Variants in CEP250 observed in about 807,000 individuals in gnomAD.
The protein encoded by CEP250 is centrosome-associated protein CEP250.
Under a neutral mutation model 315.7 loss-of-function variants are expected in CEP250, and 242 were observed. The ratio of observed to expected loss-of-function variants is 0.77; its 90% CI spans 0.69 to 0.85. The LOEUF is 0.85. Among genes scored for constraint, CEP250 ranks in the 40% least tolerant of loss-of-function variants. The probability of loss-of-function intolerance (pLI) is 0.00; values close to 1 mark genes in which losing one functional copy is unlikely to be tolerated. For missense variants in CEP250, 2,515 were observed against 2,886.4 expected, an observed-to-expected ratio of 0.87 and a Z score of 2.95; for synonymous variants, 1,088 against 1,175.0, an observed-to-expected ratio of 0.93 and a Z score of 1.51.
In CEP250 at chr20:35,472,850, C is replaced by A; in HGVS notation, c.1209+19C>A. 1 of 1,613,298 alleles carries A rather than the reference C, an allele frequency of 6.2e-7. No homozygotes were observed. Among genetic ancestry groups the A allele is most frequent in the Non-Finnish European group, 8.5e-7 (1 of 1,179,666 alleles). ...TGTGCAGGTAGGAACCCTCAGCATT[C>A]CACCTCAGTCACAGGGGTTTGTGTC... On this transcript the variant is annotated intron_variant, in intron 12 of 34. Coordinates refer to ENST00000397527, the MANE Select transcript of CEP250 (RefSeq NM_007186.6).
intron 34 of CEP250, 40 bp downstream of exon 34, chr20:35,510,094 C>A: frequency 6.3e-7 from 1 of 1,580,012 alleles, no homozygotes; most frequent in Non-Finnish European, 8.7e-7. Context: ...CCCTCCCTTG[C>A]ACTCAGGCCC....
At position 35,493,584 on chromosome 20, in the gene CEP250, C is replaced by G. The variant is rs1035207369; in HGVS notation, c.3033+12C>G. 3.3e-6 allele frequency: 5 copies of G among 1,524,244 alleles called. No homozygotes were observed. Among genetic ancestry groups the G allele is most frequent in the Non-Finnish European group, 3.5e-6 (4 of 1,137,920 alleles). The allele number at this position is 1,524,244 out of a possible 1,614,324, so 94.4% of individuals were successfully genotyped here. On this transcript the variant is annotated intron_variant, in intron 23 of 34. Transcript: ENST00000397527. ...ACCTGCAGAAGCAGGTCCCCTCCTCCTCCCCACCAAGTCCCATGGTCCTTC... is the reference window on the plus strand; with the variant it reads ...ACCTGCAGAAGCAGGTCCCCTCCTCGTCCCCACCAAGTCCCATGGTCCTTC...
chr20:35,481,175 T>C (rs973676827), intron 20 of CEP250: 2 of 152,090 alleles, frequency 1.3e-5, no homozygotes, highest in African/African-American at 4.8e-5. Context: ...CTCAGCACTT[T>C]GGGAGGCTGA....
intron 18 of CEP250, 50 bp from the exon 19 acceptor site, chr20:35,479,596 G>C: frequency 1.2e-6 from 2 of 1,605,656 alleles, no homozygotes; most frequent in Non-Finnish European, 1.7e-6. Context: ...CTTGAGGAAG[G>C]GTAAGGGGCT....
At chr20:35,500,691 G>A (rs546126461) in intron 28 of CEP250, among the ~76,000 whole-genome samples, 9 of 152,356 alleles carry the variant, frequency 5.9e-5, no homozygotes, top group East Asian at 3.9e-4. Context: ...GATTACAGGC[G>A]TGAGCCACTG....
Position 35,514,737 on chromosome 20 carries a change from G to T in CEP250, c.*3111G>T, listed in dbSNP as rs1350469392. On this transcript the variant is annotated 3_prime_UTR_variant, in exon 35 of 35. Transcript: ENST00000397527. ...GCTGCACAGGGAGGGCAAGATCAAT[G>T]TTGACACCAAAGTGCCAAAGGCTGT... 1 of 152,330 alleles carries T rather than the reference G, an allele frequency of 6.6e-6. No homozygotes were observed. The highest frequency in any genetic ancestry group is 3.1e-3 in the Middle Eastern group (1 of 318). 9.4% of individuals were successfully genotyped at this position (152,330 alleles called of 1,614,324 possible).
chr20:35,504,833 T>C lies in CEP250; in HGVS notation c.6464T>C (p.Leu2155Pro). The change falls in exon 30 of 35, where the codon CTA (leucine) becomes CCA (proline). Residue 2155 changes from leucine to proline, a missense_variant. Transcript: ENST00000397527. ...AGGCTGCAGCGGGAGCTGGAGCGGC[T>C]ACAGGCAGCCCTGAGACAGACAGAA... ...EPRLQRELER[L>P]QAALRQTEAR... 14 of 1,614,214 alleles carry C rather than the reference T, an allele frequency of 8.7e-6. No individual in the cohort carries two copies. Among genetic ancestry groups the C allele is most frequent in the Non-Finnish European group, 1.1e-5 (13 of 1,180,034 alleles).
intron 13 of CEP250, 26 bp downstream of exon 13, chr20:35,473,578 C>G: frequency 6.3e-7 from 1 of 1,578,266 alleles, no homozygotes; most frequent in Non-Finnish European, 8.6e-7. Flanking sequence ...GTTCATCCCA[C>G]CCTCCCAGCC....
rs1347715369 is a variant in CEP250, at chr20:35,512,001, AGCTGGGTGGC to A, written c.*376_*385del. ...TTTCTGCTGCTGTCTCCACTTGTGC[AGCTGGGTGGC>A]AGCACCACATCAAGGGAGTTTATCT... is the stretch of plus-strand genomic sequence containing the variant. On this transcript the variant is annotated 3_prime_UTR_variant, in exon 35 of 35. Transcript: ENST00000397527. The A allele has an allele frequency of 8.0e-5, 84 of 1,044,882 alleles. No homozygotes were observed. Among genetic ancestry groups the A allele is most frequent in the Non-Finnish European group, 9.6e-5 (83 of 868,220 alleles). 64.7% of individuals were successfully genotyped at this position (1,044,882 alleles called of 1,614,324 possible).
At chr20:35,500,828 A>G (rs111326623) in intron 28 of CEP250, among the ~76,000 whole-genome samples, 16 of 152,330 alleles carry the variant, frequency 1.1e-4, no homozygotes, top group African/African-American at 3.8e-4. Flanking sequence ...ATCCTGGAAG[A>G]AGAGATTAGG....
rs752617288 is a variant in CEP250, at chr20:35,500,027, A to G, written c.3778-22A>G. On this transcript the variant is annotated intron_variant, in intron 27 of 34. Coordinates refer to ENST00000397527, the MANE Select transcript of CEP250 (RefSeq NM_007186.6). The stretch of plus-strand genomic sequence containing the variant: ...TGTGGAAGATGAGGAACTCACGTTT[A>G]GCCATGCCCTTCCTTTCCCAGGATG... 1.9e-6 allele frequency: 3 copies of G among 1,613,968 alleles called. No individual in the cohort carries two copies. In the South Asian group the frequency reaches 3.3e-5, roughly 18 times the overall value.
chr20:35,504,906 C>T lies in CEP250; in HGVS notation c.6537C>T (p.Ser2179=). ...WREKAQDLAL[S]LAQTKASVSS... ...AGAAGGCCCAGGACTTGGCACTCTC[C>T]CTAGCGCAGACCAAGGCCAGTGTCA... Residue 2179 remains serine, a synonymous_variant, in exon 30 of 35, where the codon TCC becomes TCT. Transcript: ENST00000397527. The T allele has an allele frequency of 1.9e-6, 3 of 1,614,194 alleles. No homozygotes were observed. The highest frequency in any genetic ancestry group is 2.5e-6 in the Non-Finnish European group (3 of 1,180,040).
In CEP250 at chr20:35,467,502, G is replaced by C; in HGVS notation, c.798G>C (p.Glu266Asp). The C allele has an allele frequency of 6.2e-7, 1 of 1,614,178 alleles. No individual in the cohort carries two copies. Among genetic ancestry groups the C allele is most frequent in the Non-Finnish European group, 8.5e-7 (1 of 1,180,030 alleles). The change falls in exon 9 of 35, where the codon GAG (glutamate) becomes GAC (aspartate). Residue 266 changes from glutamate (E) to aspartate (D), a missense_variant. By Grantham distance (45) the Glu-to-Asp change is conservative. Transcript: ENST00000397527. ...AGGAAGCCCATGAAAGGAGCCAGGA[G>C]TTAATACAGCTGAAGAGTCAAGGGG... Reference protein sequence around the residue: ...LEKEAHERSQELIQLKSQGDL... With the variant: ...LEKEAHERSQDLIQLKSQGDL...
Position 35,469,955 on chromosome 20 carries a change from TA to T in CEP250, c.920del (p.Lys307ArgfsTer3). ...CAAAATGAAGATTATGAAAAGATGA[TA>T]AAGGCTCTGAGAGAGACAGTGGAGA... ...QKQNEDYEKMIKALRETVEIL... is the reference protein window; with the variant it reads ...QKQNEDYEKMXKALRETVEIL... On this transcript the variant is annotated frameshift_variant, in exon 10 of 35. Coordinates refer to ENST00000397527, the MANE Select transcript of CEP250 (RefSeq NM_007186.6). LOFTEE classifies it high-confidence loss of function. The T allele has an allele frequency of 6.2e-7, 1 of 1,613,796 alleles. No individual in the cohort carries two copies.
At chr20:35,493,101 T>C (rs1023326409) in intron 22 of CEP250, among the ~76,000 whole-genome samples, 1 of 152,002 alleles carries the variant, frequency 6.6e-6, no homozygotes, top group Non-Finnish European at 1.5e-5. Flanking sequence ...TATATACATA[T>C]ATGTATATGT....
chr20:35,508,384 C>T lies in CEP250; in HGVS notation c.6906+194C>T, dbSNP rs542361648. Among the ~76,000 whole-genome samples the T allele has an allele frequency of 2.5e-4, 38 of 152,044 alleles. 1 individual carries two copies. Among genetic ancestry groups the T allele is most frequent in the African/African-American group, 8.0e-4 (33 of 41,446 alleles). On this transcript the variant is annotated intron_variant, in intron 32 of 34. Coordinates refer to ENST00000397527, the MANE Select transcript of CEP250 (RefSeq NM_007186.6). Reference sequence around the variant, plus strand: ...AGCTGGAGTGGAATGGTACGATCTCCGCTCACTGCAACCTCCACCTCCCGG... The same window carrying T: ...AGCTGGAGTGGAATGGTACGATCTCTGCTCACTGCAACCTCCACCTCCCGG...
chr20:35,472,725 C>T lies in CEP250; in HGVS notation c.1103C>T (p.Ser368Phe). Residue 368 changes from serine (S) to phenylalanine (F), a missense_variant, in exon 12 of 35, where the codon TCT becomes TTT. By Grantham distance (155) the Ser-to-Phe change is radical. Coordinates refer to ENST00000397527, the MANE Select transcript of CEP250 (RefSeq NM_007186.6). The part of the protein sequence containing the change: ...NIAQGSGHEN[S>F]LELDSSIFSQ... ...GCCCAAGGCTCTGGTCATGAGAACT[C>T]TTTGGAATTGGACTCTAGTATCTTC... The T allele has an allele frequency of 6.2e-7, 1 of 1,614,130 alleles. No individual in the cohort carries two copies. Among genetic ancestry groups the T allele is most frequent in the Non-Finnish European group, 8.5e-7 (1 of 1,179,984 alleles).
rs115994448 is a variant in CEP250 at position 35,467,383 on chromosome 20, G to A, written c.679G>A (p.Ala227Thr). The change falls in exon 9 of 35, where the codon GCA becomes ACA. Residue 227 changes from alanine (A) to threonine (T), a missense_variant. Physicochemically the swap from Ala to Thr is moderately conservative, Grantham distance 58 (BLOSUM62 0). Coordinates refer to ENST00000397527, the MANE Select transcript of CEP250 (RefSeq NM_007186.6). ...CTGTTGTCTGCGCTTGACTGTGGGA[G>A]CACAGTCTCGGGAACCCAACGGATC... ...LTCCLRLTVG[A>T]QSREPNGSGR... 4,388 of 1,614,120 alleles carry A rather than the reference G, an allele frequency of 2.7e-3. 78 individuals are homozygous for A. The African/African-American group carries it at 0.049, about 18-fold the overall frequency.
intron 26 of CEP250, 74 bp from the exon 27 acceptor site, chr20:35,498,521 G>C (rs2063910485): frequency 2.6e-6 from 4 of 1,562,112 alleles, no homozygotes; most frequent in Non-Finnish European, 2.6e-6. Context: ...GAAGGACAGG[G>C]CTGTGTCTGG....
Sources: gnomAD v4.1 joint callset for allele counts (sites outside exome capture counted in the v4.1 genomes callset) on GRCh38, gnomAD v4.1.1 for gene constraint, MANE v1.5 for transcripts, NCBI Gene and HGNC (gene_info 2026-07-23, HGNC 2026-07-21) for gene names.